Variants in GRM8 observed in about 807,000 individuals in gnomAD.
The protein encoded by GRM8 is metabotropic glutamate receptor 8.
Under a neutral mutation model 87.2 loss-of-function variants are expected in GRM8, and 47 were observed. The ratio of observed to expected loss-of-function variants is 0.54; its 90% CI spans 0.43 to 0.69. GRM8 has a LOEUF of 0.69. Ranked by LOEUF, GRM8 falls within the 30% of genes least tolerant of loss-of-function variation. GRM8 has a pLI of 0.00. For missense variants in GRM8, 1,019 were observed against 1,139.2 expected, an observed-to-expected ratio of 0.89 and a Z score of 1.52; for synonymous variants, 396 against 404.5, an observed-to-expected ratio of 0.98 and a Z score of 0.25.
chr7:126,983,874 GGGT>G (rs1811781441), intron 3 of GRM8, among the ~76,000 whole-genome samples: 1 of 152,190 alleles, frequency 6.6e-6, no homozygotes, highest in Non-Finnish European at 1.5e-5. Context: ...AATACAGAAT[GGGT>G]AGGAGAAGAG....
chr7:127,038,768 G>A (rs1818085934), intron 3 of GRM8, among the ~76,000 whole-genome samples: 1 of 152,192 alleles, frequency 6.6e-6, no homozygotes, highest in Non-Finnish European at 1.5e-5. Context: ...AAAATGGAGT[G>A]GTAGGTATTT....
At chr7:126,982,365 A>G (rs1811625590) in intron 3 of GRM8, among the ~76,000 whole-genome samples, 1 of 152,216 alleles carries the variant, frequency 6.6e-6, no homozygotes, top group African/African-American at 2.4e-5. Context: ...TGAGTCCTTC[A>G]ATCCAATCAA....
chr7:127,141,151 T>G (rs1828237112), intron 2 of GRM8, among the ~76,000 whole-genome samples: 1 of 152,076 alleles, frequency 6.6e-6, no homozygotes, highest in Non-Finnish European at 1.5e-5. Context: ...ATGGCCATAT[T>G]AGGCCACTAC....
At chr7:126,466,337 G>A (rs1262041985) in intron 9 of GRM8, among the ~76,000 whole-genome samples, 1 of 151,686 alleles carries the variant, frequency 6.6e-6, no homozygotes. Context: ...ATTAATGTAA[G>A]AAGCATTTAC....
intron 7 of GRM8, among the ~76,000 whole-genome samples, chr7:126,654,840 A>G (rs1171127802): frequency 6.6e-6 from 1 of 152,204 alleles, no homozygotes; most frequent in Non-Finnish European, 1.5e-5. Context: ...ATAGGTATTT[A>G]AGCCTTGGGA....
intron 7 of GRM8, among the ~76,000 whole-genome samples, chr7:126,696,814 T>TG (rs757665587): frequency 9.2e-5 from 14 of 152,016 alleles, no homozygotes; most frequent in Non-Finnish European, 1.5e-4. Flanking sequence ...CCTTCAAAAC[T>TG]GGGGGGCTTC....
rs531898211 is a variant in GRM8, at chr7:126,542,958, T to C, written c.1495-9071A>G. Among the ~76,000 whole-genome samples, 10 of 152,282 alleles carry C rather than the reference T, an allele frequency of 6.6e-5. No homozygotes were observed. The East Asian group carries it at 1.9e-3, about 29-fold the overall frequency. The stretch of plus-strand genomic sequence containing the variant: ...ACAGTAAAGACAACAGAGATCATGG[T>C]AGAGTAAGGGCAAAAGATGAATGAA... On this transcript the variant is annotated intron_variant, in intron 8 of 10. Transcript: ENST00000339582.
At chr7:126,666,852 T>C (rs1805828839) in intron 7 of GRM8, among the ~76,000 whole-genome samples, 1 of 152,222 alleles carries the variant, frequency 6.6e-6, no homozygotes, top group African/African-American at 2.4e-5. Flanking sequence ...TTTCAACTTG[T>C]TGTACATATA....
chr7:126,650,210 T>C (rs1013196170), intron 7 of GRM8, among the ~76,000 whole-genome samples: 2 of 152,142 alleles, frequency 1.3e-5, no homozygotes, highest in African/African-American at 4.8e-5. Flanking sequence ...ATATATGTGA[T>C]TGGGTTTGAG....
rs531364175 is a variant in GRM8, at chr7:126,457,465, A to C, written c.2431-11093T>G. 2.3e-3 allele frequency among the ~76,000 whole-genome samples: 345 copies of C among 151,590 alleles called. 3 individuals carry two copies. Among genetic ancestry groups the C allele is most frequent in the African/African-American group, 8.1e-3 (335 of 41,486 alleles). On this transcript the variant is annotated intron_variant, in intron 9 of 10. Transcript: ENST00000339582. Reference sequence around the variant, plus strand: ...TGGCCACATTCTGGGAAATCCTAAAAAATTTCAAGGATTTAAATACAGGGT... The same window carrying C: ...TGGCCACATTCTGGGAAATCCTAAACAATTTCAAGGATTTAAATACAGGGT...
intron 7 of GRM8, among the ~76,000 whole-genome samples, chr7:126,750,451 A>G (rs1489384556): frequency 2.6e-5 from 4 of 152,062 alleles, no homozygotes; most frequent in African/African-American, 9.7e-5. Flanking sequence ...TACACTTGAA[A>G]TTGATGGGTT....
At chr7:127,035,645 T>TC (rs1329504042) in intron 3 of GRM8, among the ~76,000 whole-genome samples, 2 of 152,208 alleles carry the variant, frequency 1.3e-5, no homozygotes, top group East Asian at 3.9e-4. Flanking sequence ...AGCATCAGAC[T>TC]CCACATAGTG....
chr7:126,466,732 T>G (rs1804543105), intron 9 of GRM8, among the ~76,000 whole-genome samples: 1 of 151,898 alleles, frequency 6.6e-6, no homozygotes, highest in South Asian at 2.1e-4. Flanking sequence ...TCCTGTACCT[T>G]TTTGTTCTAT....
chr7:126,483,562 C>A (rs1335631221), intron 9 of GRM8, among the ~76,000 whole-genome samples: 1 of 144,648 alleles, frequency 6.9e-6, no homozygotes, highest in Non-Finnish European at 1.5e-5. Flanking sequence ...CGTCCCTAAC[C>A]AAAATTTGAA....
chr7:127,055,201 A>T (rs1563458508), intron 3 of GRM8, among the ~76,000 whole-genome samples: 2 of 27,730 alleles, frequency 7.2e-5, no homozygotes, highest in East Asian at 8.1e-4. Flanking sequence ...AGAAGGGAAC[A>T]TTTTTTTAAA....
At chr7:127,042,107 T>C (rs1343910740) in intron 3 of GRM8, among the ~76,000 whole-genome samples, 2 of 152,176 alleles carry the variant, frequency 1.3e-5, no homozygotes, top group Non-Finnish European at 2.9e-5. Context: ...GAGAACACAA[T>C]TACCATTCCT....
intron 7 of GRM8, among the ~76,000 whole-genome samples, chr7:126,668,606 C>T (rs778134849): frequency 3.9e-5 from 6 of 152,146 alleles, no homozygotes; most frequent in East Asian, 1.9e-4. Context: ...GGCATGCTGC[C>T]GCAGCCTTCC....
chr7:127,175,062 G>C (rs370079100), intron 2 of GRM8, among the ~76,000 whole-genome samples: 1 of 152,086 alleles, frequency 6.6e-6, no homozygotes, highest in Non-Finnish European at 1.5e-5. Flanking sequence ...ACATGCACTA[G>C]AAAGTTTTCC....
At chr7:127,047,355 G>A (rs937731241) in intron 3 of GRM8, among the ~76,000 whole-genome samples, 4 of 152,112 alleles carry the variant, frequency 2.6e-5, no homozygotes, top group African/African-American at 9.7e-5. Context: ...TCTAAATTGA[G>A]GGGTTAGTGA....
Sources: allele counts gnomAD v4.1 joint callset (sites outside exome capture counted in the v4.1 genomes callset), GRCh38; gene constraint gnomAD v4.1.1; transcripts MANE v1.5; gene names NCBI Gene and HGNC (gene_info 2026-07-23, HGNC 2026-07-21).